Variants in ADD1 observed in about 807,000 individuals in gnomAD.
ADD1 encodes the protein alpha-adducin.
A neutral mutation model predicts 80.5 loss-of-function variants in ADD1; 24 were observed. The ratio of observed to expected loss-of-function variants is 0.30; its 90% CI spans 0.22 to 0.42. ADD1 has a LOEUF of 0.42. Among genes scored for constraint, ADD1 ranks in the 10% least tolerant of loss-of-function variants. The probability of loss-of-function intolerance (pLI) is 1.00; values close to 1 mark genes in which losing one functional copy is unlikely to be tolerated. For synonymous variants in ADD1, 373 were observed against 393.8 expected (o/e 0.95, Z 0.63); for missense variants, 948 against 1,019.0 (o/e 0.93, Z 0.95).
At chr4:2,870,313 C>T (rs183113780) in intron 1 of ADD1, among the ~76,000 whole-genome samples, 13 of 152,318 alleles carry the variant, frequency 8.5e-5, no homozygotes, top group Non-Finnish European at 1.9e-4. Context: ...TCCAGCATAA[C>T]CTTTGTTATT....
chr4:2,866,521 T>C (rs1729586189), intron 1 of ADD1, among the ~76,000 whole-genome samples: 1 of 151,728 alleles, frequency 6.6e-6, no homozygotes, highest in Non-Finnish European at 1.5e-5. Context: ...TGAAAACAAA[T>C]TTTGTTAAAA....
intron 1 of ADD1, among the ~76,000 whole-genome samples, chr4:2,864,015 G>C (rs1729184567): frequency 6.6e-6 from 1 of 152,202 alleles, no homozygotes; most frequent in African/African-American, 2.4e-5. Context: ...TAGAGAGTTT[G>C]GTTAACTTAC....
chr4:2,852,757 G>A lies in ADD1; in HGVS notation c.-21+8733G>A, dbSNP rs145896253. On this transcript the variant is annotated intron_variant, in intron 1 of 15. Transcript: ENST00000683351. ...TCTGTCACCCAGGCTGAAGTGCAGC[G>A]GTGCGATCTTGGCTCTCACTGCAGC... is the stretch of plus-strand genomic sequence containing the variant. Among the ~76,000 whole-genome samples, 131 of 147,614 alleles carry A rather than the reference G, an allele frequency of 8.9e-4. 1 individual carries two copies. The East Asian group carries it at 0.024, about 27-fold the overall frequency.
intron 1 of ADD1, among the ~76,000 whole-genome samples, chr4:2,849,137 T>C (rs1726699577): frequency 6.6e-6 from 1 of 152,168 alleles, no homozygotes; most frequent in Admixed American, 6.5e-5. Context: ...CATAATTAAG[T>C]ATGGACACTA....
rs1159333460 is a variant in ADD1 at position 2,928,586 on chromosome 4, G to A, written c.*63G>A. On this transcript the variant is annotated 3_prime_UTR_variant, in exon 16 of 16. Coordinates refer to ENST00000683351, the MANE Select transcript of ADD1 (RefSeq NM_001354761.2). ...TGGCTCTGCCAGCGTCCCCGGCCACGTCTGTGCTCTGTCCTTGTGTAATGG... is the reference window on the plus strand; with the variant it reads ...TGGCTCTGCCAGCGTCCCCGGCCACATCTGTGCTCTGTCCTTGTGTAATGG... 4 of 1,533,620 alleles carry A rather than the reference G, an allele frequency of 2.6e-6. No individual in the cohort carries two copies. Among genetic ancestry groups the A allele is most frequent in the South Asian group, 1.2e-5 (1 of 84,848 alleles).
intron 1 of ADD1, among the ~76,000 whole-genome samples, chr4:2,871,343 A>G (rs1299137376): frequency 1.3e-5 from 2 of 152,232 alleles, no homozygotes; most frequent in African/African-American, 4.8e-5. Context: ...ATAAAGCAGC[A>G]GAACTGAAGG....
intron 1 of ADD1, among the ~76,000 whole-genome samples, chr4:2,866,660 C>T (rs1456897428): frequency 3.3e-5 from 5 of 152,188 alleles, no homozygotes; most frequent in Non-Finnish European, 5.9e-5. Flanking sequence ...AGTATGCCTG[C>T]TAGCTCTTCC....
At chr4:2,888,150 C>T (rs1024276817) in intron 4 of ADD1, among the ~76,000 whole-genome samples, 4 of 151,570 alleles carry the variant, frequency 2.6e-5, no homozygotes, top group Non-Finnish European at 2.9e-5. Context: ...ACCTCTGCCG[C>T]CTCGGTTCAA....
chr4:2,909,062 C>G, intron 12 of ADD1: 1 of 503,890 alleles, frequency 2.0e-6, no homozygotes, highest in South Asian at 2.2e-5. Flanking sequence ...TACCTTGTGG[C>G]ACATTGAAGA....
intron 1 of ADD1, among the ~76,000 whole-genome samples, chr4:2,863,394 A>C (rs1729093360): frequency 6.6e-6 from 1 of 151,956 alleles, no homozygotes; most frequent in African/African-American, 2.4e-5. Context: ...AATTATTTGA[A>C]TGTTAATATA....
intron 1 of ADD1, among the ~76,000 whole-genome samples, chr4:2,851,904 C>T (rs1049122048): frequency 4.0e-5 from 6 of 151,894 alleles, no homozygotes; most frequent in Non-Finnish European, 7.4e-5. Flanking sequence ...CGCAATGGCT[C>T]GATCTCGGCT....
chr4:2,900,795 G>T (rs1387414659), intron 9 of ADD1: 3 of 152,224 alleles, frequency 2.0e-5, no homozygotes, highest in Admixed American at 2.0e-4. Context: ...ACACAGGGAC[G>T]AACAGAGAAG....
At chr4:2,876,702 A>G (rs1560174049) in intron 2 of ADD1, among the ~76,000 whole-genome samples, 1 of 151,970 alleles carries the variant, frequency 6.6e-6, no homozygotes, top group Non-Finnish European at 1.5e-5. Context: ...AGCCAGGCGT[A>G]GTGGCGGGCG....
At chr4:2,918,181 T>C (rs1352022080) in intron 14 of ADD1, among the ~76,000 whole-genome samples, 1 of 152,254 alleles carries the variant, frequency 6.6e-6, no homozygotes, top group Non-Finnish European at 1.5e-5. Context: ...TATTTGTTTG[T>C]GTCCTATTTC....
At chr4:2,853,558 T>C (rs1341789152) in intron 1 of ADD1, 1 of 152,228 alleles carries the variant, frequency 6.6e-6, no homozygotes. Context: ...AAAATGTACC[T>C]TTAAATTTCT....
intron 4 of ADD1, among the ~76,000 whole-genome samples, chr4:2,890,316 A>T (rs548224111): frequency 6.6e-6 from 1 of 152,370 alleles, no homozygotes; most frequent in Non-Finnish European, 1.5e-5. Flanking sequence ...AGAATGCCTT[A>T]TAAAAATATG....
chr4:2,844,175 C>A (rs1284172188), intron 1 of ADD1, 151 bp downstream of exon 1: 1 of 150,362 alleles, frequency 6.7e-6, no homozygotes, highest in Non-Finnish European at 1.5e-5. Context: ...GCTGCGGCGC[C>A]GAGGGCGTCT....
chr4:2,924,081 C>T (rs1328262595), intron 14 of ADD1, among the ~76,000 whole-genome samples: 2 of 152,246 alleles, frequency 1.3e-5, no homozygotes, highest in Non-Finnish European at 2.9e-5. Context: ...ACTGCCCTGG[C>T]ATGTGCCCAG....
chr4:2,911,495 G>C (rs1577686629), intron 13 of ADD1, among the ~76,000 whole-genome samples: 1 of 146,084 alleles, frequency 6.8e-6, no homozygotes, highest in South Asian at 2.1e-4. Flanking sequence ...TGTCCAGGCT[G>C]GAGTGTGGTC....
Sources: gnomAD v4.1 joint callset for allele counts (sites outside exome capture counted in the v4.1 genomes callset) on GRCh38, gnomAD v4.1.1 for gene constraint, MANE v1.5 for transcripts, NCBI Gene and HGNC (gene_info 2026-07-23, HGNC 2026-07-21) for gene names.